Variants in TBC1D19 observed in about 807,000 individuals in gnomAD.
TBC1D19 encodes the protein TBC1 domain family, member 19.
In TBC1D19, 60 loss-of-function variants were observed where a neutral mutation model predicts 89.0. The observed-to-expected ratio is 0.67, with a 90% CI of 0.55 to 0.84. The LOEUF (loss-of-function observed/expected upper bound fraction) is 0.84. Among genes scored for constraint, TBC1D19 ranks in the 40% least tolerant of loss-of-function variants. TBC1D19 has a pLI of 0.00. For missense variants in TBC1D19, 500 were observed against 610.8 expected (o/e 0.82, Z 1.91); for synonymous variants, 189 against 199.7 (o/e 0.95, Z 0.45).
At chr4:26,829,841 T>C in the TBC1D19 span, among the ~76,000 whole-genome samples, 1 of 152,106 alleles carries the variant, frequency 6.6e-6, no homozygotes, top group South Asian at 2.1e-4. Context: ...AGCAGTGGGG[T>C]TTTGCATTCC....
intron 13 of TBC1D19, among the ~76,000 whole-genome samples, chr4:26,695,380 T>C (rs1357366660): frequency 6.6e-6 from 1 of 152,214 alleles, no homozygotes; most frequent in Non-Finnish European, 1.5e-5. Context: ...AATCTGTGTC[T>C]GATTGGTGTA....
At chr4:26,761,829 A>G in the TBC1D19 span, among the ~76,000 whole-genome samples, 1 of 152,184 alleles carries the variant, frequency 6.6e-6, no homozygotes. Context: ...CAATTTAGCT[A>G]TAAAACAGTA....
At chr4:26,710,557 T>C (rs555400530) in intron 13 of TBC1D19, among the ~76,000 whole-genome samples, 2,301 of 152,324 alleles carry the variant, frequency 0.015, 53 homozygotes, top group African/African-American at 0.051. Flanking sequence ...AGTAATGGGA[T>C]GGCTGGGTCA....
At chr4:26,645,907 A>C (rs1371746204) in intron 7 of TBC1D19, among the ~76,000 whole-genome samples, 25 of 151,936 alleles carry the variant, frequency 1.6e-4, no homozygotes, top group African/African-American at 5.6e-4. Context: ...GCGGATCACG[A>C]GGTCAGGAGA....
chr4:26,622,332 A>G (rs1742109552), intron 4 of TBC1D19, among the ~76,000 whole-genome samples: 1 of 152,198 alleles, frequency 6.6e-6, no homozygotes, highest in Non-Finnish European at 1.5e-5. Context: ...AAATTTCTAA[A>G]CAGTATAGAG....
intron 4 of TBC1D19, among the ~76,000 whole-genome samples, chr4:26,626,651 G>A (rs912923644): frequency 6.6e-6 from 1 of 151,930 alleles, no homozygotes; most frequent in Admixed American, 6.6e-5. Context: ...GTACTATGTG[G>A]TTGAATTTAT....
chr4:26,763,105 CT>C, the TBC1D19 span, among the ~76,000 whole-genome samples: 9 of 152,128 alleles, frequency 5.9e-5, no homozygotes, highest in African/African-American at 2.2e-4. Flanking sequence ...TTTAATAACC[CT>C]TTTTATAAAA....
chr4:26,846,934 C>T, the TBC1D19 span, among the ~76,000 whole-genome samples: 1 of 152,136 alleles, frequency 6.6e-6, no homozygotes, highest in Non-Finnish European at 1.5e-5. Flanking sequence ...CTAACTTTCT[C>T]TGCCTGCTCC....
chr4:26,773,325 C>T, the TBC1D19 span, among the ~76,000 whole-genome samples: 1 of 151,956 alleles, frequency 6.6e-6, no homozygotes, highest in Non-Finnish European at 1.5e-5. Flanking sequence ...TATTTGTTTT[C>T]CTGTAAATTT....
rs1454117057 is a variant in TBC1D19, at chr4:26,604,405, G to A, written c.100-8764G>A. ...TTGACCTTGTGATCCGCCCGCCTCG[G>A]CCTCCCGAAGTGCTGGGATTACAGG... On this transcript the variant is annotated intron_variant, in intron 1 of 20. Coordinates refer to ENST00000264866, the MANE Select transcript of TBC1D19 (RefSeq NM_018317.4). Among the ~76,000 whole-genome samples the A allele has an allele frequency of 3.3e-5, 5 of 150,936 alleles. No individual in the cohort carries two copies. The South Asian group carries it at 1.0e-3, about 32-fold the overall frequency.
chr4:26,720,797 C>A (rs1200286603), intron 15 of TBC1D19, among the ~76,000 whole-genome samples: 1 of 152,088 alleles, frequency 6.6e-6, no homozygotes, highest in Non-Finnish European at 1.5e-5. Flanking sequence ...TCCAGCTTAT[C>A]CTATGACCTT....
intron 3 of TBC1D19, among the ~76,000 whole-genome samples, chr4:26,617,663 T>TAGATTTAAG (rs1741778486): frequency 6.6e-6 from 1 of 152,236 alleles, no homozygotes; most frequent in Non-Finnish European, 1.5e-5. Flanking sequence ...GTCTTAGCCT[T>TAGATTTAAG]ACTGTATTTA....
At chr4:26,727,397 A>G (rs549319943) in intron 15 of TBC1D19, among the ~76,000 whole-genome samples, 3 of 152,276 alleles carry the variant, frequency 2.0e-5, no homozygotes, top group African/African-American at 4.8e-5. Flanking sequence ...TTAAGCCCAG[A>G]CTAATCTTGG....
At chr4:26,725,926 G>C (rs950567895) in intron 15 of TBC1D19, among the ~76,000 whole-genome samples, 1 of 152,090 alleles carries the variant, frequency 6.6e-6, no homozygotes, top group Non-Finnish European at 1.5e-5. Context: ...AGAGGAATAA[G>C]AATAGAAGCA....
chr4:26,765,637 G>A, the TBC1D19 span, among the ~76,000 whole-genome samples: 1 of 152,154 alleles, frequency 6.6e-6, no homozygotes, highest in Non-Finnish European at 1.5e-5. Context: ...AAACTTTACT[G>A]CTGTGGTCTA....
At chr4:26,790,437 G>A in the TBC1D19 span, among the ~76,000 whole-genome samples, 4 of 152,148 alleles carry the variant, frequency 2.6e-5, no homozygotes, top group African/African-American at 9.6e-5. Context: ...TGCCTCATAG[G>A]TTGTTATAAG....
At chr4:26,582,157 A>G (rs1169890605), upstream of TBC1D19, among the ~76,000 whole-genome samples, 1 of 152,130 alleles carries the variant, frequency 6.6e-6, no homozygotes, top group Non-Finnish European at 1.5e-5. Flanking sequence ...TTCCCTTGTC[A>G]ATAGTACTGG....
upstream of TBC1D19, among the ~76,000 whole-genome samples, chr4:26,579,579 G>A (rs1199019828): frequency 2.6e-5 from 4 of 151,554 alleles, no homozygotes; most frequent in Non-Finnish European, 5.9e-5. Flanking sequence ...TGCCATTGTG[G>A]TTTGCTGCAC....
At chr4:26,774,741 A>G in the TBC1D19 span, among the ~76,000 whole-genome samples, 5 of 152,220 alleles carry the variant, frequency 3.3e-5, no homozygotes, top group Non-Finnish European at 2.9e-5. Flanking sequence ...TTGTCTGCTG[A>G]TAAAGGCAGT....
Sources: gnomAD v4.1 joint callset for allele counts (sites outside exome capture counted in the v4.1 genomes callset) on GRCh38, gnomAD v4.1.1 for gene constraint, MANE v1.5 for transcripts, NCBI Gene and HGNC (gene_info 2026-07-23, HGNC 2026-07-21) for gene names.